DKK3: variants seen among roughly 807,000 people sequenced by gnomAD.
The protein encoded by DKK3 is dickkopf-related protein 3.
In DKK3, 22 loss-of-function variants were observed where a neutral mutation model predicts 33.2. The observed-to-expected ratio is 0.66, with a 90% CI of 0.47 to 0.95. DKK3 has a LOEUF of 0.95. Among genes scored for constraint, DKK3 ranks in the 40% least tolerant of loss-of-function variants. The pLI is 0.00. For missense variants in DKK3, 398 were observed against 458.4 expected (o/e 0.87, Z 1.20); for synonymous variants, 194 against 188.8 (o/e 1.03, Z -0.23).
At chr11:11,991,903 C>T (rs1024090592) in intron 3 of DKK3, among the ~76,000 whole-genome samples, 11 of 152,168 alleles carry the variant, frequency 7.2e-5, no homozygotes, top group African/African-American at 2.4e-4. Context: ...CCTGGTTTTC[C>T]CCTGCACCAT....
At chr11:11,980,709 T>A (rs1034452410) in intron 3 of DKK3, among the ~76,000 whole-genome samples, 3 of 151,958 alleles carry the variant, frequency 2.0e-5, no homozygotes, top group Non-Finnish European at 4.4e-5. Flanking sequence ...CCACCCCAGT[T>A]GGGTACTCAG....
chr11:11,995,459 A>C (rs577596877), intron 3 of DKK3, among the ~76,000 whole-genome samples: 44 of 152,210 alleles, frequency 2.9e-4, no homozygotes, highest in African/African-American at 1.0e-3. Flanking sequence ...AGGTGTGTTC[A>C]CCTAGATACA....
upstream of DKK3, chr11:12,009,542 C>T (rs1315442796): frequency 6.2e-6 from 6 of 972,898 alleles, no homozygotes; most frequent in Non-Finnish European, 7.3e-6. Context: ...ACTGCCTGCC[C>T]CTGCGCCCGC....
chr11:12,002,087 T>C lies in DKK3; in HGVS notation c.351+213A>G, dbSNP rs57965478. Reference sequence around the variant, plus strand: ...GGCAGGAAGCCTAGGGTTAAATATATTGCTTAAATGCAAAAGCAGTTTAGG... The same window carrying C: ...GGCAGGAAGCCTAGGGTTAAATATACTGCTTAAATGCAAAAGCAGTTTAGG... On this transcript the variant is annotated intron_variant, in intron 2 of 6. Coordinates refer to ENST00000683431, the MANE Select transcript of DKK3 (RefSeq NM_001018057.2). 1.2e-3 allele frequency: 581 copies of C among 474,936 alleles called. 2 individuals are homozygous for C. Among genetic ancestry groups the C allele is most frequent in the African/African-American group, 9.9e-3 (517 of 52,156 alleles). 29.4% of individuals were successfully genotyped at this position (474,936 alleles called of 1,614,324 possible). A position where few individuals can be genotyped will look rare whatever the true frequency, so the allele number is the denominator to read the frequency against.
At chr11:11,995,893 A>G (rs2135089273) in intron 3 of DKK3, among the ~76,000 whole-genome samples, 1 of 152,354 alleles carries the variant, frequency 6.6e-6, no homozygotes, top group Middle Eastern at 3.4e-3. Context: ...TGAGTGTAAA[A>G]ACAGACCAGG....
In DKK3 at chr11:12,001,034, G is replaced by A. The variant is rs150171060; in HGVS notation, c.351+1266C>T. Among the ~76,000 whole-genome samples the A allele has an allele frequency of 7.2e-5, 11 of 152,238 alleles. No individual in the cohort carries two copies. The East Asian group carries it at 2.1e-3, about 29-fold the overall frequency. ...CATAAATGCAGTTAGTGAGAATCAG[G>A]ACATTTAAGTAATTTTTCAAAAATC... is the stretch of plus-strand genomic sequence containing the variant. On this transcript the variant is annotated intron_variant, in intron 2 of 6. Transcript: ENST00000683431.
chr11:11,984,246 G>A (rs1018709414), intron 3 of DKK3, among the ~76,000 whole-genome samples: 3 of 152,302 alleles, frequency 2.0e-5, no homozygotes, highest in East Asian at 3.9e-4. Context: ...TGTTGAAGTC[G>A]AGTTATCAAA....
At chr11:11,974,685 GTC>G (rs1847795725) in intron 3 of DKK3, among the ~76,000 whole-genome samples, 1 of 152,142 alleles carries the variant, frequency 6.6e-6, no homozygotes, top group Non-Finnish European at 1.5e-5. Context: ...TTCTGGAGCA[GTC>G]TCTGACTCTA....
chr11:12,002,454 T>C lies in DKK3; in HGVS notation c.214-17A>G, dbSNP rs780057586. 1.2e-6 allele frequency: 2 copies of C among 1,602,988 alleles called. No homozygotes were observed. Among genetic ancestry groups the C allele is most frequent in the Non-Finnish European group, 1.7e-6 (2 of 1,172,680 alleles). On this transcript the variant is annotated splice_polypyrimidine_tract_variant and intron_variant, in intron 1 of 6. Coordinates refer to ENST00000683431, the MANE Select transcript of DKK3 (RefSeq NM_001018057.2). ...TGCCTCCATCTATTAAATCGATGAA[T>C]TTAATGAGCAAAATTATTTTCTCTT...
chr11:11,990,288 G>C (rs1269642074), intron 3 of DKK3, among the ~76,000 whole-genome samples: 1 of 152,214 alleles, frequency 6.6e-6, no homozygotes, highest in Non-Finnish European at 1.5e-5. Flanking sequence ...TCAACCTAAT[G>C]AGAGTTCAAG....
At chr11:11,975,578 G>C (rs1378312068) in intron 3 of DKK3, among the ~76,000 whole-genome samples, 1 of 152,204 alleles carries the variant, frequency 6.6e-6, no homozygotes, top group East Asian at 1.9e-4. Context: ...ACCCACGGGT[G>C]GGGAGGCAGC....
chr11:11,999,803 C>T (rs952285418), intron 2 of DKK3, among the ~76,000 whole-genome samples: 1 of 152,228 alleles, frequency 6.6e-6, no homozygotes, highest in African/African-American at 2.4e-5. Flanking sequence ...TCTACATCAT[C>T]TTTAAGGTCT....
At chr11:11,986,483 A>G (rs7113792) in intron 3 of DKK3, among the ~76,000 whole-genome samples, 72,486 of 151,928 alleles carry the variant, frequency 0.48, 19,166 homozygotes, top group East Asian at 0.89. Context: ...GAGCCCAAGG[A>G]GCTCTGCCAT....
intron 1 of DKK3, among the ~76,000 whole-genome samples, chr11:12,002,695 G>A (rs555582309): frequency 6.6e-6 from 1 of 152,248 alleles, no homozygotes; most frequent in African/African-American, 2.4e-5. Context: ...TGAGGCTCAG[G>A]AAGACTAGAT....
At chr11:11,966,413 G>A (rs1358609661) in intron 5 of DKK3, among the ~76,000 whole-genome samples, 8 of 152,208 alleles carry the variant, frequency 5.3e-5, no homozygotes, top group African/African-American at 1.7e-4. Context: ...TCTGAACATC[G>A]TGGGAGACAA....
At chr11:11,970,915 A>G (rs1046472017) in intron 3 of DKK3, among the ~76,000 whole-genome samples, 1 of 152,242 alleles carries the variant, frequency 6.6e-6, no homozygotes, top group East Asian at 1.9e-4. Context: ...TGTTGTTTTA[A>G]TCCAGTAAAT....
At chr11:11,973,906 TG>T (rs1270919868) in intron 3 of DKK3, among the ~76,000 whole-genome samples, 5 of 152,186 alleles carry the variant, frequency 3.3e-5, no homozygotes, top group Non-Finnish European at 7.4e-5. Context: ...CCAGAGTCTG[TG>T]TGGGGCCCGC....
intron 3 of DKK3, among the ~76,000 whole-genome samples, chr11:11,977,536 T>G (rs1035817460): frequency 6.6e-6 from 1 of 152,192 alleles, no homozygotes; most frequent in Non-Finnish European, 1.5e-5. Context: ...TCCAAGTGCC[T>G]GTCATCCCAC....
intron 3 of DKK3, 144 bp downstream of exon 3, chr11:11,998,552 A>G: frequency 2.7e-6 from 2 of 745,650 alleles, no homozygotes; most frequent in Non-Finnish European, 4.8e-6. Context: ...TCAGAAATGT[A>G]GGAATTGAGG....
Sources: allele counts gnomAD v4.1 joint callset (sites outside exome capture counted in the v4.1 genomes callset), GRCh38; gene constraint gnomAD v4.1.1; transcripts MANE v1.5; gene names NCBI Gene and HGNC (gene_info 2026-07-23, HGNC 2026-07-21).